PACSIN2: variants seen among roughly 807,000 people sequenced by gnomAD.
PACSIN2 encodes protein kinase C and casein kinase substrate in neurons protein 2.
In PACSIN2, 25 loss-of-function variants were observed where a neutral mutation model predicts 63.8. That is an observed-to-expected ratio of 0.39 (90% CI 0.29 to 0.55). PACSIN2 has a LOEUF of 0.55. PACSIN2 is among the 20% of genes least tolerant of loss of function. PACSIN2 has a pLI of 0.62. For synonymous variants in PACSIN2, 255 were observed against 256.2 expected (o/e 1.00, Z 0.05); for missense variants, 518 against 646.9 (o/e 0.80, Z 2.16).
At chr22:42,912,835 C>T (rs1370351566) in intron 1 of PACSIN2, among the ~76,000 whole-genome samples, 1 of 152,172 alleles carries the variant, frequency 6.6e-6, no homozygotes, top group African/African-American at 2.4e-5. Flanking sequence ...AAGGTGACCC[C>T]ACCTTTCTTT....
rs565070261 is a variant in PACSIN2 at position 42,893,824 on chromosome 22, G to A, written c.61-211C>T. 1.2e-3 allele frequency among the ~76,000 whole-genome samples: 176 copies of A among 152,258 alleles called. 1 individual carries two copies. The highest frequency in any genetic ancestry group is 2.1e-3 in the Non-Finnish European group (145 of 68,016). On this transcript the variant is annotated intron_variant, in intron 2 of 10. Coordinates refer to ENST00000263246, the MANE Select transcript of PACSIN2 (RefSeq NM_001184970.3). ...ATAAGATCATACACATCAGTGAACG[G>A]GGGCTTCTCAATGTTCTTTAGGTTG...
intron 1 of PACSIN2, among the ~76,000 whole-genome samples, chr22:42,923,993 G>A (rs1468716595): frequency 6.6e-6 from 1 of 151,738 alleles, no homozygotes; most frequent in African/African-American, 2.4e-5. Flanking sequence ...AGTGAGTTAC[G>A]ATTGTGCCAC....
chr22:42,994,288 C>T (rs1351891205), intron 1 of PACSIN2, among the ~76,000 whole-genome samples: 2 of 152,202 alleles, frequency 1.3e-5, no homozygotes, highest in African/African-American at 4.8e-5. Flanking sequence ...GCAACTGGGG[C>T]TCCAGGCATG....
chr22:42,887,586 G>A (rs572689290), intron 5 of PACSIN2, among the ~76,000 whole-genome samples: 2 of 152,160 alleles, frequency 1.3e-5, no homozygotes, highest in Admixed American at 6.5e-5. Context: ...TCCAAACACC[G>A]AGGCAGGGCA....
At chr22:42,887,288 C>T (rs569512524) in intron 5 of PACSIN2, among the ~76,000 whole-genome samples, 7 of 151,748 alleles carry the variant, frequency 4.6e-5, no homozygotes, top group South Asian at 2.1e-4. Flanking sequence ...GCTACACCGA[C>T]GGCATAGCAG....
intron 1 of PACSIN2, among the ~76,000 whole-genome samples, chr22:42,990,722 T>C (rs1166832872): frequency 2.0e-5 from 3 of 152,130 alleles, no homozygotes; most frequent in Admixed American, 2.0e-4. Flanking sequence ...CTGGATTTTA[T>C]TGTGATAACA....
chr22:42,941,887 C>T (rs1408910999), intron 1 of PACSIN2, among the ~76,000 whole-genome samples: 4 of 152,178 alleles, frequency 2.6e-5, no homozygotes, highest in Admixed American at 1.3e-4. Flanking sequence ...AGCGATTCTC[C>T]TGCCTCAGCC....
At chr22:42,882,946 C>CA (rs1929190296) in intron 6 of PACSIN2, among the ~76,000 whole-genome samples, 6 of 152,158 alleles carry the variant, frequency 3.9e-5, no homozygotes, top group Admixed American at 3.9e-4. Flanking sequence ...GGCATGATCC[C>CA]CTCCATCAAG....
intron 1 of PACSIN2, among the ~76,000 whole-genome samples, chr22:43,005,246 G>A (rs927723155): frequency 6.6e-6 from 1 of 152,140 alleles, no homozygotes; most frequent in Non-Finnish European, 1.5e-5. Flanking sequence ...ATCATTACCA[G>A]TACTCCCTTC....
At chr22:42,962,785 G>GT (rs1920927431) in intron 1 of PACSIN2, among the ~76,000 whole-genome samples, 1 of 116,868 alleles carries the variant, frequency 8.6e-6, no homozygotes, top group Non-Finnish European at 1.9e-5. Context: ...CGGGGGGGGG[G>GT]GGCGGCGCAG....
chr22:42,878,655 G>A (rs1173680255), intron 8 of PACSIN2, among the ~76,000 whole-genome samples: 4 of 152,176 alleles, frequency 2.6e-5, no homozygotes, highest in African/African-American at 7.2e-5. Context: ...CATGAACCTC[G>A]GCAGGACCTC....
At chr22:42,987,370 C>T (rs1046886446) in intron 1 of PACSIN2, among the ~76,000 whole-genome samples, 1 of 151,336 alleles carries the variant, frequency 6.6e-6, no homozygotes, top group African/African-American at 2.4e-5. Context: ...GACACCCCTA[C>T]ACGCAGGTGG....
intron 2 of PACSIN2, among the ~76,000 whole-genome samples, chr22:42,910,735 C>T (rs1313790719): frequency 6.6e-6 from 1 of 152,162 alleles, no homozygotes; most frequent in Admixed American, 6.5e-5. Flanking sequence ...CTGGGTGCCC[C>T]CCTCACCCCT....
intron 1 of PACSIN2, among the ~76,000 whole-genome samples, chr22:42,983,773 T>C (rs1210386826): frequency 1.3e-5 from 2 of 151,880 alleles, no homozygotes; most frequent in Admixed American, 6.6e-5. Context: ...TTTTTTTACA[T>C]CCCTAAACTA....
At chr22:42,909,030 T>G (rs1931274486) in intron 2 of PACSIN2, among the ~76,000 whole-genome samples, 1 of 152,160 alleles carries the variant, frequency 6.6e-6, no homozygotes, top group Non-Finnish European at 1.5e-5. Flanking sequence ...CTTCCGAATA[T>G]GCATTAAATA....
At chr22:42,981,873 G>T (rs1922182641) in intron 1 of PACSIN2, among the ~76,000 whole-genome samples, 1 of 109,436 alleles carries the variant, frequency 9.1e-6, no homozygotes, top group Non-Finnish European at 2.0e-5. Context: ...GAGGGAGGTG[G>T]GGGGATCAGC....
intron 2 of PACSIN2, among the ~76,000 whole-genome samples, chr22:42,896,000 A>C (rs532157309): frequency 1.3e-5 from 2 of 152,248 alleles, no homozygotes; most frequent in African/African-American, 4.8e-5. Context: ...GAGCAGAGCT[A>C]CTGCTGGCTG....
chr22:42,923,405 C>T (rs1038643490), intron 1 of PACSIN2, among the ~76,000 whole-genome samples: 1 of 152,126 alleles, frequency 6.6e-6, no homozygotes, highest in African/African-American at 2.4e-5. Context: ...GCTACTTCAT[C>T]TTCAACTATT....
intron 1 of PACSIN2, among the ~76,000 whole-genome samples, chr22:42,924,560 C>T (rs1267987465): frequency 6.6e-6 from 1 of 152,122 alleles, no homozygotes; most frequent in Non-Finnish European, 1.5e-5. Context: ...CATCTGCTCA[C>T]CTCCACCGAG....
Sources: gnomAD v4.1 joint callset for allele counts (sites outside exome capture counted in the v4.1 genomes callset) on GRCh38, gnomAD v4.1.1 for gene constraint, MANE v1.5 for transcripts, NCBI Gene and HGNC (gene_info 2026-07-23, HGNC 2026-07-21) for gene names.